The following HOPX variants were observed in gnomAD, a reference collection of about 807,000 sequenced individuals.
The protein encoded by HOPX is homeodomain-only protein.
Under a neutral mutation model 11.8 loss-of-function variants are expected in HOPX, and 5 were observed. That is an observed-to-expected ratio of 0.43 (90% CI 0.22 to 0.89). The LOEUF (loss-of-function observed/expected upper bound fraction) is 0.89, where lower values mean the gene tolerates loss of function less well. HOPX is among the 40% of genes least tolerant of loss of function. The pLI, the probability that HOPX is intolerant of heterozygous loss-of-function variation, is 0.28. For missense variants in HOPX, 119 were observed against 120.0 expected, an observed-to-expected ratio of 0.99 and a Z score of 0.04; for synonymous variants, 49 against 49.7, an observed-to-expected ratio of 0.99 and a Z score of 0.06.
At chr4:56,657,989 C>A in intron 1 of HOPX, 90 bp from the exon 2 acceptor site, 1 of 1,200,560 alleles carries the variant, frequency 8.3e-7, no homozygotes. Flanking sequence ...TAGTAGGACA[C>A]CAATTCTAGC....
intron 1 of HOPX, chr4:56,665,148 G>T (rs1391279813): frequency 1.3e-5 from 2 of 152,242 alleles, no homozygotes; most frequent in African/African-American, 2.4e-5. Context: ...GTAGAGATGG[G>T]ATCTCGCTAT....
chr4:56,666,804 G>C (rs932385923), intron 1 of HOPX, among the ~76,000 whole-genome samples: 2 of 152,120 alleles, frequency 1.3e-5, no homozygotes, highest in Non-Finnish European at 2.9e-5. Context: ...TGATTGTTAT[G>C]AATTCAGAAA....
At chr4:56,668,387 C>T (rs1277328842) in intron 1 of HOPX, among the ~76,000 whole-genome samples, 1 of 152,212 alleles carries the variant, frequency 6.6e-6, no homozygotes, top group Non-Finnish European at 1.5e-5. Flanking sequence ...TTTTCTTCTC[C>T]TCATCCTTCT....
At position 56,671,410 on chromosome 4, in the gene HOPX, A is replaced by C. The variant is rs1043129259; in HGVS notation, c.-84+9845T>G. Among the ~76,000 whole-genome samples the C allele has an allele frequency of 2.6e-5, 4 of 152,232 alleles. No individual in the cohort carries two copies. In the East Asian group the frequency reaches 7.7e-4, roughly 29 times the overall value. On this transcript the variant is annotated intron_variant, in intron 1 of 3. Transcript: ENST00000420433. ...AAAGAGTCTTTGACAGAATGGAATT[A>C]TCTCTTTGCATAAATATATATTAAT...
At chr4:56,673,443 T>C (rs1184795747) in intron 1 of HOPX, among the ~76,000 whole-genome samples, 1 of 152,192 alleles carries the variant, frequency 6.6e-6, no homozygotes, top group Non-Finnish European at 1.5e-5. Context: ...GACTGCCCCA[T>C]CTTTCAGAGC....
At chr4:56,655,428 T>C (rs1717591328) in intron 3 of HOPX, among the ~76,000 whole-genome samples, 1 of 152,152 alleles carries the variant, frequency 6.6e-6, no homozygotes, top group South Asian at 2.1e-4. Context: ...CTTCCAGCTC[T>C]GACATTCCCG....
rs368669192 is a variant in HOPX, at chr4:56,657,763, C to A, written c.42+12G>T. 7 of 1,086,132 alleles carry A rather than the reference C, an allele frequency of 6.4e-6. No homozygotes were observed. Among genetic ancestry groups the A allele is most frequent in the East Asian group, 2.6e-5 (1 of 38,864 alleles). The allele number at this position is 1,086,132 out of a possible 1,614,324, so 67.3% of individuals were successfully genotyped here. ...ACACAACTTCAGAGCTGGGAAGAAC[C>A]TTGGAAATTACCTCTTCCAGTCTTC... is the stretch of plus-strand genomic sequence containing the variant. On this transcript the variant is annotated intron_variant, in intron 2 of 3. Transcript: ENST00000420433.
intron 2 of HOPX, chr4:56,656,309 G>A: frequency 2.7e-6 from 3 of 1,108,210 alleles, no homozygotes; most frequent in Non-Finnish European, 3.3e-6. Flanking sequence ...CCTGCGACGG[G>A]GGCGAGATAG....
chr4:56,655,641 G>A (rs996467836), intron 3 of HOPX, among the ~76,000 whole-genome samples: 18 of 152,344 alleles, frequency 1.2e-4, no homozygotes, highest in Non-Finnish European at 2.2e-4. Flanking sequence ...GGCTGGATGG[G>A]GGTGGCGGGG....
Position 56,655,868 on chromosome 4 carries a change from C to T in HOPX, c.187G>A (p.Glu63Lys). Residue 63 changes from glutamate to lysine, a missense_variant, in exon 3 of 4, where the codon GAG (glutamate) becomes AAG (lysine). Glu to Lys is a moderately conservative substitution (Grantham distance 56). Coordinates refer to ENST00000420433, the MANE Select transcript of HOPX (RefSeq NM_032495.6). ...GTGTGGGGACGCACCTGGGTCTCCT[C>T]CTCGGAAAGGCCTGCCTCGGCCGCG... ...LIAAEAGLSEEETQKWFKQRL... is the reference protein window; with the variant it reads ...LIAAEAGLSEKETQKWFKQRL... 1 of 1,611,356 alleles carries T rather than the reference C, an allele frequency of 6.2e-7. No homozygotes were observed. The highest frequency in any genetic ancestry group is 1.7e-4 in the Middle Eastern group (1 of 6,050).
chr4:56,655,828 G>C, intron 3 of HOPX, 29 bp downstream of exon 3: 1 of 1,605,500 alleles, frequency 6.2e-7, no homozygotes, highest in Non-Finnish European at 8.5e-7. Context: ...GCAGGGGTCG[G>C]GGCGCGCTGG....
intron 1 of HOPX, among the ~76,000 whole-genome samples, chr4:56,674,105 T>C (rs1041129511): frequency 1.3e-5 from 2 of 151,572 alleles, no homozygotes; most frequent in African/African-American, 2.4e-5. Flanking sequence ...AGGTACAGTG[T>C]ATTAATGAAA....
chr4:56,670,920 C>T (rs1718697992), intron 1 of HOPX, among the ~76,000 whole-genome samples: 1 of 151,776 alleles, frequency 6.6e-6, no homozygotes, highest in Admixed American at 6.6e-5. Flanking sequence ...TCGCTTGAAC[C>T]CGGGAGGCGG....
At chr4:56,669,649 A>C (rs901737306) in intron 1 of HOPX, among the ~76,000 whole-genome samples, 1 of 146,680 alleles carries the variant, frequency 6.8e-6, no homozygotes, top group Non-Finnish European at 1.5e-5. Context: ...ATAGAGCAGG[A>C]CTCTGTCTCA....
chr4:56,671,461 A>G (rs1248073425), intron 1 of HOPX, among the ~76,000 whole-genome samples: 1 of 152,024 alleles, frequency 6.6e-6, no homozygotes, highest in Non-Finnish European at 1.5e-5. Context: ...TGGTCCAACT[A>G]CCATTCTTAT....
chr4:56,654,821 A>G (rs527398586), intron 3 of HOPX, among the ~76,000 whole-genome samples: 1 of 152,342 alleles, frequency 6.6e-6, no homozygotes, highest in African/African-American at 2.4e-5. Flanking sequence ...ATGCTCTGGT[A>G]TATAAAATAG....
chr4:56,648,843 C>G, intron 3 of HOPX, 46 bp from the exon 4 acceptor site: 1 of 1,413,604 alleles, frequency 7.1e-7, no homozygotes, highest in Non-Finnish European at 1.0e-6. Context: ...TACAGAAAAA[C>G]TGAAATGCCT....
At chr4:56,666,831 G>T (rs562446694) in intron 1 of HOPX, among the ~76,000 whole-genome samples, 1 of 152,214 alleles carries the variant, frequency 6.6e-6, no homozygotes, top group South Asian at 2.1e-4. Context: ...TCCCGAGAAA[G>T]AATATTGTAA....
chr4:56,649,135 T>C (rs1343426713), intron 3 of HOPX: 1 of 192,212 alleles, frequency 5.2e-6, no homozygotes, highest in Non-Finnish European at 1.1e-5. Flanking sequence ...CAATTTAGTA[T>C]TTTGTTACTT....
Sources: gnomAD v4.1 joint callset for allele counts (sites outside exome capture counted in the v4.1 genomes callset) on GRCh38, gnomAD v4.1.1 for gene constraint, MANE v1.5 for transcripts, NCBI Gene and HGNC (gene_info 2026-07-23, HGNC 2026-07-21) for gene names.